Variants in FMN1 observed in about 807,000 individuals in gnomAD.
FMN1 encodes the protein formin-1.
A neutral mutation model predicts 132.4 loss-of-function variants in FMN1; 110 were observed. The ratio of observed to expected loss-of-function variants is 0.83; its 90% CI spans 0.71 to 0.97. The LOEUF is 0.97. Among genes scored for constraint, FMN1 ranks in the 50% least tolerant of loss-of-function variants. The pLI is 0.00. For missense variants in FMN1, 1,792 were observed against 1,705.3 expected (o/e 1.05, Z -0.90); for synonymous variants, 722 against 651.7 (o/e 1.11, Z -1.64).
In FMN1 at chr15:32,968,848, A is replaced by G; in HGVS notation, c.2853T>C (p.Leu951=). 1 of 1,523,250 alleles carries G rather than the reference A, an allele frequency of 6.6e-7. No individual in the cohort carries two copies. Among genetic ancestry groups the G allele is most frequent in the Admixed American group, 1.8e-5 (1 of 56,596 alleles). 94.4% of individuals were successfully genotyped at this position (1,523,250 alleles called of 1,614,324 possible). Residue 951 remains leucine (L), a synonymous_variant, in exon 8 of 21, where the codon CTT becomes CTC. Coordinates refer to ENST00000616417, the MANE Select transcript of FMN1 (RefSeq NM_001277313.2). ...AGAGTCCAGGGGGAGGTGGGGGTGC[A>G]AGTCCTGGGGGTGGTGGAGCAGGAG... ...GPPPAPPPPG[L]APPPPPGLFF...
intron 10 of FMN1, among the ~76,000 whole-genome samples, chr15:32,917,686 T>TG (rs1379542610): frequency 6.6e-6 from 1 of 152,194 alleles, no homozygotes; most frequent in Non-Finnish European, 1.5e-5. Context: ...TCCAAGGCAG[T>TG]GGTAATTTAC....
intron 16 of FMN1, among the ~76,000 whole-genome samples, chr15:32,875,540 T>C (rs2059616871): frequency 1.3e-5 from 2 of 151,908 alleles, no homozygotes; most frequent in Admixed American, 1.3e-4. Flanking sequence ...CTGTGATCTT[T>C]CCAGGAGTAT....
At chr15:33,185,993 T>A (rs901307164) in intron 2 of FMN1, among the ~76,000 whole-genome samples, 1 of 152,076 alleles carries the variant, frequency 6.6e-6, no homozygotes, top group Admixed American at 6.6e-5. Context: ...AATGATGGAA[T>A]CTTAGATTTA....
At chr15:33,066,869 G>C in intron 5 of FMN1, 1 of 1,613,936 alleles carries the variant, frequency 6.2e-7, no homozygotes, top group Non-Finnish European at 8.5e-7. Context: ...CAGGAGAGTG[G>C]GAGTGGCCTT....
At chr15:32,968,305 A>G (rs2031437978) in intron 8 of FMN1, among the ~76,000 whole-genome samples, 1 of 152,262 alleles carries the variant, frequency 6.6e-6, no homozygotes, top group South Asian at 2.1e-4. Flanking sequence ...GGTTGATTAT[A>G]GTATTTAAAA....
At chr15:32,803,103 C>T (rs763760366) in intron 18 of FMN1, among the ~76,000 whole-genome samples, 38 of 152,118 alleles carry the variant, frequency 2.5e-4, no homozygotes, top group African/African-American at 7.0e-4. Context: ...TCAGAAGTCT[C>T]GGAAATTGTG....
intron 19 of FMN1, among the ~76,000 whole-genome samples, chr15:32,781,883 C>A (rs1353730544): frequency 6.6e-6 from 1 of 152,206 alleles, no homozygotes; most frequent in Non-Finnish European, 1.5e-5. Context: ...TCACCTCACT[C>A]CACGTGTTCC....
chr15:33,128,760 T>G (rs762097706), intron 4 of FMN1, among the ~76,000 whole-genome samples: 1 of 152,222 alleles, frequency 6.6e-6, no homozygotes, highest in Non-Finnish European at 1.5e-5. Context: ...TTAAAGCCCT[T>G]AAAAGTGGTA....
intron 19 of FMN1, among the ~76,000 whole-genome samples, chr15:32,783,671 G>A (rs2056745372): frequency 6.8e-6 from 1 of 146,540 alleles, no homozygotes; most frequent in African/African-American, 2.5e-5. Flanking sequence ...TGAACCCGGG[G>A]TCGGGGGAGC....
intron 16 of FMN1, among the ~76,000 whole-genome samples, chr15:32,857,755 T>C (rs2059169261): frequency 6.6e-6 from 1 of 152,254 alleles, no homozygotes; most frequent in Non-Finnish European, 1.5e-5. Context: ...TACTTTTTGA[T>C]AATCAGGTCT....
chr15:33,050,351 C>CA (rs567432457), intron 6 of FMN1, among the ~76,000 whole-genome samples: 108 of 151,956 alleles, frequency 7.1e-4, no homozygotes, highest in Admixed American at 2.2e-3. Context: ...AGAGTCATGG[C>CA]AAGTTAGAGC....
At chr15:33,108,377 C>T (rs1271165502) in intron 4 of FMN1, among the ~76,000 whole-genome samples, 2 of 151,996 alleles carry the variant, frequency 1.3e-5, no homozygotes, top group African/African-American at 2.4e-5. Context: ...ATGTCTCTTA[C>T]TCCCATGAGT....
intron 17 of FMN1, among the ~76,000 whole-genome samples, chr15:32,848,972 CTTTTGTTTTTTTTT>C (rs1304018297): frequency 1.1e-3 from 73 of 68,610 alleles, no homozygotes; most frequent in African/African-American, 3.5e-3. Context: ...GGTTAGTTCT[CTTTTGTTTTTTTTT>C]TTTTTTTTTT....
intron 10 of FMN1, among the ~76,000 whole-genome samples, chr15:32,911,635 T>G (rs1053436682): frequency 1.3e-5 from 2 of 152,106 alleles, no homozygotes; most frequent in Non-Finnish European, 2.9e-5. Flanking sequence ...TGAGCTAAGA[T>G]CATGGAACCT....
intron 12 of FMN1, among the ~76,000 whole-genome samples, chr15:32,902,773 T>C (rs1353107610): frequency 6.6e-6 from 1 of 152,190 alleles, no homozygotes; most frequent in Non-Finnish European, 1.5e-5. Flanking sequence ...TTGTTCCCTT[T>C]GCAAAACTAA....
At chr15:33,057,449 T>C (rs1289133699) in intron 6 of FMN1, among the ~76,000 whole-genome samples, 1 of 152,218 alleles carries the variant, frequency 6.6e-6, no homozygotes, top group Non-Finnish European at 1.5e-5. Context: ...GCAGTTGAAC[T>C]TCATATATAT....
chr15:32,916,781 T>C (rs887156785), intron 10 of FMN1, among the ~76,000 whole-genome samples: 2 of 152,168 alleles, frequency 1.3e-5, no homozygotes, highest in African/African-American at 4.8e-5. Flanking sequence ...ATTATTTTGT[T>C]TACAATGTTA....
chr15:32,867,060 G>GT (rs1260084596), intron 16 of FMN1, among the ~76,000 whole-genome samples: 3 of 152,144 alleles, frequency 2.0e-5, no homozygotes, highest in Non-Finnish European at 4.4e-5. Flanking sequence ...TGTCTCCCAA[G>GT]TTTACACAGC....
At position 32,793,568 on chromosome 15, in the gene FMN1, A is replaced by G. The variant is rs192268606; in HGVS notation, c.4130+5236T>C. On this transcript the variant is annotated intron_variant, in intron 19 of 20. Coordinates refer to ENST00000616417, the MANE Select transcript of FMN1 (RefSeq NM_001277313.2). ...AGTGCTGGGATTACAGGCATGAGCC[A>G]CTACGCCCGGCTGTTCTTTGTGATT... Among the ~76,000 whole-genome samples the G allele has an allele frequency of 3.9e-5, 6 of 152,340 alleles. No homozygotes were observed. In the East Asian group the frequency reaches 1.2e-3, roughly 29 times the overall value.
Sources: allele counts gnomAD v4.1 joint callset (sites outside exome capture counted in the v4.1 genomes callset), GRCh38; gene constraint gnomAD v4.1.1; transcripts MANE v1.5; gene names NCBI Gene and HGNC (gene_info 2026-07-23, HGNC 2026-07-21).